The following AGBL4 variants were observed in gnomAD, a reference collection of about 807,000 sequenced individuals.
AGBL4 encodes AGBL carboxypeptidase 4, also known as cytosolic carboxypeptidase 6.
Under a neutral mutation model 66.4 loss-of-function variants are expected in AGBL4, and 58 were observed. That is an observed-to-expected ratio of 0.87 (90% CI 0.71 to 1.09). AGBL4 has a LOEUF of 1.09. Among genes scored for constraint, AGBL4 ranks in the 50% least tolerant of loss-of-function variants. The probability of loss-of-function intolerance (pLI) is 0.00; values close to 1 mark genes in which losing one functional copy is unlikely to be tolerated. For missense variants in AGBL4, 579 were observed against 631.0 expected (o/e 0.92, Z 0.88); for synonymous variants, 234 against 222.9 (o/e 1.05, Z -0.44).
At chr1:49,864,306 G>A (rs1034995672) in intron 1 of AGBL4, among the ~76,000 whole-genome samples, 1 of 151,964 alleles carries the variant, frequency 6.6e-6, no homozygotes, top group African/African-American at 2.4e-5. Context: ...TGGTTAATGG[G>A]TACAAAAAAA....
chr1:49,547,398 G>A (rs1400251478), intron 3 of AGBL4, among the ~76,000 whole-genome samples: 2 of 152,186 alleles, frequency 1.3e-5, no homozygotes, highest in Non-Finnish European at 2.9e-5. Context: ...ATGTTTTGGT[G>A]ACTATGGCCT....
chr1:49,910,492 G>A (rs1650704936), intron 1 of AGBL4, among the ~76,000 whole-genome samples: 1 of 152,080 alleles, frequency 6.6e-6, no homozygotes, highest in Admixed American at 6.5e-5. Context: ...TTTGGGGGAA[G>A]TTTTGCTGTA....
chr1:49,590,938 A>G (rs907098092), intron 3 of AGBL4, among the ~76,000 whole-genome samples: 8 of 152,134 alleles, frequency 5.3e-5, no homozygotes, highest in Non-Finnish European at 1.2e-4. Context: ...ATCACAAGGG[A>G]TATTAGAAAA....
intron 3 of AGBL4, among the ~76,000 whole-genome samples, chr1:49,567,608 T>G (rs1241369830): frequency 6.6e-6 from 1 of 152,234 alleles, no homozygotes; most frequent in Non-Finnish European, 1.5e-5. Context: ...TGGGTACATG[T>G]GCAGGTTTGT....
intron 1 of AGBL4, among the ~76,000 whole-genome samples, chr1:49,975,938 T>C (rs1658520457): frequency 6.6e-6 from 1 of 152,182 alleles, no homozygotes; most frequent in Non-Finnish European, 1.5e-5. Flanking sequence ...TTTTGTTTCT[T>C]ATATTTAACA....
At chr1:49,416,622 T>A (rs1300286676) in intron 3 of AGBL4, among the ~76,000 whole-genome samples, 1 of 152,168 alleles carries the variant, frequency 6.6e-6, no homozygotes, top group African/African-American at 2.4e-5. Context: ...AGTTATTTAA[T>A]GTGATACTTT....
At chr1:48,577,636 G>A (rs1341666420) in intron 11 of AGBL4, among the ~76,000 whole-genome samples, 1 of 152,160 alleles carries the variant, frequency 6.6e-6, no homozygotes, top group Non-Finnish European at 1.5e-5. Flanking sequence ...TTGATCTGGA[G>A]GTGAGAGGCA....
chr1:49,222,854 A>G (rs1461832998), intron 4 of AGBL4, among the ~76,000 whole-genome samples: 1 of 152,220 alleles, frequency 6.6e-6, no homozygotes, highest in Non-Finnish European at 1.5e-5. Context: ...CTGAACCCAG[A>G]GCATAGTTTT....
intron 4 of AGBL4, among the ~76,000 whole-genome samples, chr1:49,056,151 A>G (rs931321355): frequency 6.6e-6 from 1 of 152,218 alleles, no homozygotes; most frequent in South Asian, 2.1e-4. Context: ...TTCACCCTTC[A>G]ATAAATACTG....
At chr1:49,694,662 G>A (rs1184322358) in intron 3 of AGBL4, among the ~76,000 whole-genome samples, 1 of 152,134 alleles carries the variant, frequency 6.6e-6, no homozygotes, top group East Asian at 1.9e-4. Flanking sequence ...TACTTGCACA[G>A]TTAATTGATA....
intron 11 of AGBL4, among the ~76,000 whole-genome samples, chr1:48,554,821 C>T (rs879805801): frequency 6.6e-6 from 1 of 152,110 alleles, no homozygotes; most frequent in Non-Finnish European, 1.5e-5. Context: ...AGTTAGCAAG[C>T]GGACGGTTAG....
At chr1:48,928,530 C>T (rs1004147211) in intron 5 of AGBL4, among the ~76,000 whole-genome samples, 1 of 152,008 alleles carries the variant, frequency 6.6e-6, no homozygotes, top group Non-Finnish European at 1.5e-5. Flanking sequence ...GTCTCTTTTT[C>T]CCTCAGGCTT....
At chr1:49,174,126 G>A (rs1378339768) in intron 4 of AGBL4, among the ~76,000 whole-genome samples, 11 of 152,028 alleles carry the variant, frequency 7.2e-5, no homozygotes, top group Non-Finnish European at 1.3e-4. Context: ...GGGAAGAGAA[G>A]TGGGGCCACA....
chr1:49,937,419 C>T (rs1463937392), intron 1 of AGBL4, among the ~76,000 whole-genome samples: 13 of 151,978 alleles, frequency 8.6e-5, no homozygotes, highest in African/African-American at 2.2e-4. Context: ...CTGTCAACAA[C>T]AGACAGATCA....
intron 3 of AGBL4, among the ~76,000 whole-genome samples, chr1:49,552,083 G>A (rs911965288): frequency 3.3e-5 from 5 of 152,068 alleles, no homozygotes; most frequent in Admixed American, 6.5e-5. Context: ...CAGGGAAGTG[G>A]GGAAAAGCCA....
chr1:49,439,722 C>T (rs763557469), intron 3 of AGBL4, among the ~76,000 whole-genome samples: 5 of 152,136 alleles, frequency 3.3e-5, no homozygotes, highest in Non-Finnish European at 5.9e-5. Context: ...AATAGACTGG[C>T]CTAGCCTCCC....
At chr1:48,841,207 T>A (rs1050682134) in intron 6 of AGBL4, among the ~76,000 whole-genome samples, 1 of 152,156 alleles carries the variant, frequency 6.6e-6, no homozygotes, top group Admixed American at 6.6e-5. Flanking sequence ...CTCAAATATA[T>A]ACCTGTGTTA....
intron 6 of AGBL4, among the ~76,000 whole-genome samples, chr1:48,688,981 C>G (rs565521119): frequency 1.3e-5 from 2 of 151,938 alleles, no homozygotes; most frequent in Admixed American, 1.3e-4. Context: ...CTAGAACCCA[C>G]TAGTATCTAG....
At chr1:49,785,727 C>T (rs890945374) in intron 2 of AGBL4, among the ~76,000 whole-genome samples, 1 of 151,740 alleles carries the variant, frequency 6.6e-6, no homozygotes, top group African/African-American at 2.4e-5. Context: ...ATGCCACCTA[C>T]TCACAAAATT....
Sources: allele counts gnomAD v4.1 joint callset (sites outside exome capture counted in the v4.1 genomes callset), GRCh38; gene constraint gnomAD v4.1.1; transcripts MANE v1.5; gene names NCBI Gene and HGNC (gene_info 2026-07-23, HGNC 2026-07-21).